The following HFM1 variants were observed in gnomAD, a reference collection of about 807,000 sequenced individuals.
The protein encoded by HFM1 is probable ATP-dependent DNA helicase HFM1.
HFM1 carries 169 observed loss-of-function variants against 192.1 expected under a neutral mutation model. The ratio of observed to expected loss-of-function variants is 0.88; its 90% CI spans 0.78 to 1.00. HFM1 has a LOEUF of 1.00. HFM1 is among the 50% of genes least tolerant of loss of function. The pLI is 0.00. For synonymous variants in HFM1, 525 were observed against 537.8 expected, an observed-to-expected ratio of 0.98 and a Z score of 0.33; for missense variants, 1,661 against 1,668.0, an observed-to-expected ratio of 1.00 and a Z score of 0.07.
chr1:91,283,360 C>G (rs1261271110), intron 30 of HFM1, among the ~76,000 whole-genome samples: 2 of 152,142 alleles, frequency 1.3e-5, no homozygotes, highest in African/African-American at 4.8e-5. Context: ...CCTCCCAACT[C>G]AGCCCCCTCA....
intron 19 of HFM1, 103 bp from the exon 20 acceptor site, chr1:91,343,613 T>C: frequency 2.1e-6 from 1 of 470,270 alleles, no homozygotes; most frequent in Non-Finnish European, 3.8e-6. Flanking sequence ...ACTGTGTAAC[T>C]GTTCTAGAAG....
chr1:91,272,701 G>C (rs1666425678), intron 34 of HFM1, among the ~76,000 whole-genome samples: 1 of 152,034 alleles, frequency 6.6e-6, no homozygotes, highest in Non-Finnish European at 1.5e-5. Flanking sequence ...GAATAAGTTG[G>C]ATAAATGCTC....
intron 20 of HFM1, among the ~76,000 whole-genome samples, chr1:91,327,314 G>C (rs1653062714): frequency 6.6e-6 from 1 of 152,168 alleles, no homozygotes; most frequent in African/African-American, 2.4e-5. Flanking sequence ...TCAGCACTTT[G>C]AGACAAGCGT....
chr1:91,312,641 A>G (rs1457383728), intron 30 of HFM1, among the ~76,000 whole-genome samples: 1 of 152,190 alleles, frequency 6.6e-6, no homozygotes, highest in Admixed American at 6.5e-5. Flanking sequence ...GCCTTGTCTC[A>G]GATGAGACTT....
In HFM1 at chr1:91,299,854, C is replaced by T. The variant is rs556619954; in HGVS notation, c.3391+13495G>A. Among the ~76,000 whole-genome samples, 40 of 152,196 alleles carry T rather than the reference C, an allele frequency of 2.6e-4. No individual in the cohort carries two copies. In the South Asian group the frequency reaches 8.3e-3, roughly 32 times the overall value. On this transcript the variant is annotated intron_variant, in intron 30 of 38. Coordinates refer to ENST00000370425, the MANE Select transcript of HFM1 (RefSeq NM_001017975.6). ...GCAGGAAAGATCTAAAATTGACACC[C>T]TAACATCAGAATTAAAAGAACTAGA...
intron 17 of HFM1, 83 bp downstream of exon 17, chr1:91,351,439 AAAATTGCCTTAAAAAAATCTCCAAACC>A: frequency 1.7e-6 from 1 of 603,768 alleles, no homozygotes; most frequent in South Asian, 2.1e-5. Flanking sequence ...AACTTTACAG[AAAATTGCCTTAAAAAAATCTCCAAACC>A]AAATTTCCCT....
intron 30 of HFM1, among the ~76,000 whole-genome samples, chr1:91,300,391 T>G (rs1423095549): frequency 6.6e-6 from 1 of 152,080 alleles, no homozygotes; most frequent in Non-Finnish European, 1.5e-5. Context: ...CTGAAACTAT[T>G]CCAATCAATA....
intron 4 of HFM1, among the ~76,000 whole-genome samples, chr1:91,388,779 TA>T (rs1488169534): frequency 2.9e-5 from 3 of 104,424 alleles, no homozygotes; most frequent in African/African-American, 1.1e-4. Flanking sequence ...AGCATAAGCA[TA>T]AAAGAAAAAT....
intron 30 of HFM1, among the ~76,000 whole-genome samples, chr1:91,305,743 A>G (rs990263569): frequency 1.3e-5 from 2 of 150,870 alleles, no homozygotes; most frequent in African/African-American, 4.9e-5. Flanking sequence ...ACTTTTTTCT[A>G]TTTTTGTAAA....
chr1:91,353,341 A>ACT, intron 13 of HFM1, 42 bp from the exon 14 acceptor site: 1 of 1,119,886 alleles, frequency 8.9e-7, no homozygotes, highest in Non-Finnish European at 1.3e-6. Context: ...ACTCCCAGTA[A>ACT]CATTAGAGAA....
chr1:91,315,749 A>C, intron 28 of HFM1, 66 bp downstream of exon 28: 1 of 1,163,096 alleles, frequency 8.6e-7, no homozygotes, highest in Non-Finnish European at 1.2e-6. Context: ...TTTTTTTTTC[A>C]GTAGAATTTT....
chr1:91,289,149 G>A (rs1216383215), intron 30 of HFM1, among the ~76,000 whole-genome samples: 2 of 151,012 alleles, frequency 1.3e-5, no homozygotes, highest in African/African-American at 4.9e-5. Flanking sequence ...CTCAGATGGG[G>A]CAGCCAGTCA....
At chr1:91,406,157 T>C (rs1215292025), upstream of HFM1, among the ~76,000 whole-genome samples, 1 of 152,348 alleles carries the variant, frequency 6.6e-6, no homozygotes, top group East Asian at 1.9e-4. Context: ...GAGGACGGTA[T>C]CTGCAAGCCA....
At chr1:91,285,574 G>A (rs1179291256) in intron 30 of HFM1, among the ~76,000 whole-genome samples, 1 of 151,964 alleles carries the variant, frequency 6.6e-6, no homozygotes, top group East Asian at 1.9e-4. Context: ...TAGGTTTAGA[G>A]GTATAATTGT....
intron 30 of HFM1, among the ~76,000 whole-genome samples, chr1:91,296,996 C>T (rs778771215): frequency 1.3e-5 from 2 of 152,180 alleles, no homozygotes; most frequent in Non-Finnish European, 2.9e-5. Flanking sequence ...GGCGAGGCAT[C>T]GCCTCACCCG....
chr1:91,391,075 C>T (rs968427655), intron 4 of HFM1, among the ~76,000 whole-genome samples: 1 of 150,610 alleles, frequency 6.6e-6, no homozygotes, highest in African/African-American at 2.4e-5. Context: ...AGGAGAACTA[C>T]AAACCACTGC....
At chr1:91,328,313 C>A (rs1397455066) in intron 20 of HFM1, 3 of 1,433,904 alleles carry the variant, frequency 2.1e-6, no homozygotes, top group African/African-American at 2.8e-5. Flanking sequence ...CCCAGGGCAA[C>A]CCTGAATCAA....
At chr1:91,403,463 G>A (rs1301432278) in intron 1 of HFM1, among the ~76,000 whole-genome samples, 2 of 152,072 alleles carry the variant, frequency 1.3e-5, no homozygotes, top group African/African-American at 4.8e-5. Flanking sequence ...CTTTCATTAT[G>A]TAAATCTTTT....
At chr1:91,285,180 A>G (rs1208290955) in intron 30 of HFM1, among the ~76,000 whole-genome samples, 1 of 152,154 alleles carries the variant, frequency 6.6e-6, no homozygotes, top group Non-Finnish European at 1.5e-5. Flanking sequence ...CATTTTCTTT[A>G]TAAATTACCC....
Sources: allele counts gnomAD v4.1 joint callset (sites outside exome capture counted in the v4.1 genomes callset), GRCh38; gene constraint gnomAD v4.1.1; transcripts MANE v1.5; gene names NCBI Gene and HGNC (gene_info 2026-07-23, HGNC 2026-07-21).